MAP1B: variants seen among roughly 807,000 people sequenced by gnomAD.
MAP1B encodes the protein microtubule associated protein 1B.
Under a neutral mutation model 176.1 loss-of-function variants are expected in MAP1B, and 12 were observed. That is an observed-to-expected ratio of 0.07 (90% CI 0.04 to 0.11). The LOEUF (loss-of-function observed/expected upper bound fraction) is 0.11. MAP1B is among the 10% of genes least tolerant of loss of function. The pLI is 1.00. For synonymous variants in MAP1B, 1,044 were observed against 1,135.0 expected, an observed-to-expected ratio of 0.92 and a Z score of 1.61; for missense variants, 2,523 against 2,990.5, an observed-to-expected ratio of 0.84 and a Z score of 3.65.
At position 72,208,124 on chromosome 5, in the gene MAP1B, T is replaced by G. The variant is rs1236702428; in HGVS notation, c.*2885T>G. 1 of 152,144 alleles carries G rather than the reference T, an allele frequency of 6.6e-6. No homozygotes were observed. Among genetic ancestry groups the G allele is most frequent in the Non-Finnish European group, 1.5e-5 (1 of 68,032 alleles). The allele number at this position is 152,144 out of a possible 1,614,324, so 9.4% of individuals were successfully genotyped here. On this transcript the variant is annotated 3_prime_UTR_variant, in exon 7 of 7. Coordinates refer to ENST00000296755, the MANE Select transcript of MAP1B (RefSeq NM_005909.5). ...CCTGAGTATACCAAGAAAACCAATA[T>G]TCGCATTACAGGTTGCTCCTGTCCT...
intron 2 of MAP1B, among the ~76,000 whole-genome samples, chr5:72,122,433 T>C (rs1319181842): frequency 6.6e-6 from 1 of 152,178 alleles, no homozygotes; most frequent in African/African-American, 2.4e-5. Context: ...GCATAATTCC[T>C]GCAAGCTTTA....
At chr5:72,178,523 C>T (rs750219371) in intron 2 of MAP1B, among the ~76,000 whole-genome samples, 11 of 152,176 alleles carry the variant, frequency 7.2e-5, no homozygotes, top group Non-Finnish European at 1.6e-4. Context: ...GCTGACAGAG[C>T]AGGGAGGCAG....
rs1021654788 is a variant in MAP1B at position 72,206,738 on chromosome 5, TG to T, written c.*1500del. On this transcript the variant is annotated 3_prime_UTR_variant, in exon 7 of 7. Coordinates refer to ENST00000296755, the MANE Select transcript of MAP1B (RefSeq NM_005909.5). ...GTTTCGTAAGACAAAAATTGAATAA[TG>T]TTTTTTGAAGTTCTGGCAAGATTGA... The T allele has an allele frequency of 2.0e-5, 3 of 152,152 alleles. No individual in the cohort carries two copies. Among genetic ancestry groups the T allele is most frequent in the Non-Finnish European group, 2.9e-5 (2 of 68,034 alleles). 9.4% of individuals were successfully genotyped at this position (152,152 alleles called of 1,614,324 possible).
chr5:72,138,262 C>T (rs572760457), intron 2 of MAP1B, among the ~76,000 whole-genome samples: 1 of 152,128 alleles, frequency 6.6e-6, no homozygotes, highest in African/African-American at 2.4e-5. Context: ...TACCAAATGG[C>T]CAATAAACGT....
chr5:72,185,397 C>T (rs1006306776), intron 3 of MAP1B, among the ~76,000 whole-genome samples: 5 of 152,142 alleles, frequency 3.3e-5, no homozygotes, highest in Non-Finnish European at 7.4e-5. Context: ...TGGAGAATTA[C>T]AGCCTGGGCA....
intron 2 of MAP1B, among the ~76,000 whole-genome samples, chr5:72,116,707 A>T (rs547526245): frequency 6.6e-6 from 1 of 152,128 alleles, no homozygotes; most frequent in Non-Finnish European, 1.5e-5. Flanking sequence ...CATCAGAAAC[A>T]CTGTATTACA....
At chr5:72,177,248 G>C (rs1027918738) in intron 2 of MAP1B, among the ~76,000 whole-genome samples, 6 of 152,156 alleles carry the variant, frequency 3.9e-5, no homozygotes, top group African/African-American at 1.4e-4. Flanking sequence ...CCTCTCCGGA[G>C]CTCTAAGCTG....
chr5:72,154,397 C>T (rs1365063847), intron 2 of MAP1B, among the ~76,000 whole-genome samples: 2 of 152,200 alleles, frequency 1.3e-5, no homozygotes, highest in Non-Finnish European at 2.9e-5. Flanking sequence ...TTAACAGCCT[C>T]ATCTATTTGT....
rs765880655 is a variant in MAP1B at position 72,203,645 on chromosome 5, C to G, written c.7095C>G (p.Asn2365Lys). ...PVYLDLCYIP[N>K]HSNSKNVDVE... Reference sequence around the variant, plus strand: ...ATTTGGACCTGTGCTACATTCCTAACCACAGCAATAGTAAGAATGTTGATG... The same window carrying G: ...ATTTGGACCTGTGCTACATTCCTAAGCACAGCAATAGTAAGAATGTTGATG... The change falls in exon 6 of 7, where the codon AAC (asparagine) becomes AAG (lysine). Residue 2365 changes from asparagine (N) to lysine (K), a missense_variant. Physicochemically the swap from Asn to Lys is moderately conservative, Grantham distance 94. Around this residue, in one of 4 missense-constraint regions of MAP1B, gnomAD observed 287 missense variants for 401.5 expected, o/e 0.71. Transcript: ENST00000296755. 1 of 1,614,186 alleles carries G rather than the reference C, an allele frequency of 6.2e-7. No individual in the cohort carries two copies. The highest frequency in any genetic ancestry group is 8.5e-7 in the Non-Finnish European group (1 of 1,180,024).
In MAP1B at chr5:72,196,143, G is replaced by A. The variant is rs1469929207; in HGVS notation, c.2788G>A (p.Gly930Arg). Residue 930 changes from glycine (G) to arginine (R), a missense_variant, in exon 5 of 7, where the codon GGA becomes AGA. Gly to Arg is a moderately radical substitution (Grantham distance 125, BLOSUM62 -2). This residue lies in a region of MAP1B where 1,925 missense variants were observed against 2,126.0 expected (regional missense o/e 0.91). Transcript: ENST00000296755. This position sits in a 1 kb window ranked among gnomAD's most constrained non-coding sequence, Gnocchi z 5.3. ...VDDIEKFEDE[G>R]AGFEESSETG... Reference sequence around the variant, plus strand: ...CGACATTGAAAAATTTGAAGATGAAGGAGCCGGTTTTGAAGAATCTTCAGA... The same window carrying A: ...CGACATTGAAAAATTTGAAGATGAAAGAGCCGGTTTTGAAGAATCTTCAGA... 1 of 1,613,314 alleles carries A rather than the reference G, an allele frequency of 6.2e-7. No individual in the cohort carries two copies. Among genetic ancestry groups the A allele is most frequent in the Admixed American group, 1.7e-5 (1 of 60,018 alleles).
Position 72,195,049 on chromosome 5 carries a change from C to T in MAP1B, c.1694C>T (p.Thr565Ile). ...GTGCGCAAGGAGTCAAAAGAAGAAA[C>T]CCCTGAGGTCACAAAAGTGAATCAC... Reference protein sequence around the residue: ...KSVRKESKEETPEVTKVNHVE... With the variant: ...KSVRKESKEEIPEVTKVNHVE... Residue 565 changes from threonine to isoleucine, a missense_variant, in exon 5 of 7, where the codon ACC becomes ATC. Thr to Ile is a moderately conservative substitution (Grantham distance 89). Transcript: ENST00000296755. 4 of 1,614,040 alleles carry T rather than the reference C, an allele frequency of 2.5e-6. No individual in the cohort carries two copies. Among genetic ancestry groups the T allele is most frequent in the Non-Finnish European group, 2.5e-6 (3 of 1,180,016 alleles).
At chr5:72,158,684 T>C (rs574477466) in intron 2 of MAP1B, among the ~76,000 whole-genome samples, 2 of 152,314 alleles carry the variant, frequency 1.3e-5, no homozygotes, top group African/African-American at 4.8e-5. Context: ...GAAATGAATA[T>C]GGAAGGCGAC....
Position 72,206,739 on chromosome 5 carries a change from GT to G in MAP1B, c.*1506del, listed in dbSNP as rs556045668. 2.9e-4 allele frequency: 44 copies of G among 152,064 alleles called. No homozygotes were observed. Among genetic ancestry groups the G allele is most frequent in the African/African-American group, 1.1e-3 (44 of 41,468 alleles). 9.4% of individuals were successfully genotyped at this position (152,064 alleles called of 1,614,324 possible). ...TTTCGTAAGACAAAAATTGAATAAT[GT>G]TTTTTGAAGTTCTGGCAAGATTGAA... On this transcript the variant is annotated 3_prime_UTR_variant, in exon 7 of 7. Coordinates refer to ENST00000296755, the MANE Select transcript of MAP1B (RefSeq NM_005909.5).
intron 2 of MAP1B, among the ~76,000 whole-genome samples, chr5:72,165,751 T>C (rs1746415255): frequency 6.6e-6 from 1 of 152,194 alleles, no homozygotes. Context: ...ATATAAAATA[T>C]GCATTACTAT....
intron 5 of MAP1B, 115 bp from the exon 6 acceptor site, chr5:72,203,448 A>T: frequency 1.3e-6 from 1 of 773,888 alleles, no homozygotes; most frequent in South Asian, 1.6e-5. Flanking sequence ...TGCATGTCTC[A>T]GAGGACCTAC....
chr5:72,190,505 C>A (rs1747004069), intron 4 of MAP1B, among the ~76,000 whole-genome samples: 1 of 152,194 alleles, frequency 6.6e-6, no homozygotes. Context: ...AGAATGCCAT[C>A]CTGTTAGAAT....
chr5:72,197,743 C>G lies in MAP1B; in HGVS notation c.4388C>G (p.Thr1463Arg). ...LYQDKQEGKS[T>R]DFAPIKEDFG... ...CAAGACAAACAGGAAGGGAAAAGCA[C>G]AGACTTTGCACCAATAAAAGAAGAC... Residue 1463 changes from threonine (T) to arginine (R), a missense_variant, in exon 5 of 7, where the codon ACA becomes AGA. By Grantham distance (71) the Thr-to-Arg change is moderately conservative. This residue lies in a region of MAP1B where 1,925 missense variants were observed against 2,126.0 expected (regional missense o/e 0.91). Transcript: ENST00000296755. 4 of 1,614,162 alleles carry G rather than the reference C, an allele frequency of 2.5e-6. No homozygotes were observed. The highest frequency in any genetic ancestry group is 3.4e-6 in the Non-Finnish European group (4 of 1,180,030).
At chr5:72,188,529 GA>G (rs1323724236) in intron 4 of MAP1B, among the ~76,000 whole-genome samples, 2 of 152,178 alleles carry the variant, frequency 1.3e-5, no homozygotes, top group Non-Finnish European at 2.9e-5. Flanking sequence ...AATATGTAAA[GA>G]AAAGTGTCAT....
intron 2 of MAP1B, among the ~76,000 whole-genome samples, chr5:72,121,494 G>A (rs111334426): frequency 1.7e-3 from 266 of 152,274 alleles, no homozygotes; most frequent in Non-Finnish European, 3.1e-3. Flanking sequence ...GAAGATAAAC[G>A]AACCACAGCT....
Sources: allele counts gnomAD v4.1 joint callset (sites outside exome capture counted in the v4.1 genomes callset), GRCh38; gene constraint gnomAD v4.1.1; regional missense constraint gnomAD v4.1.1; non-coding constraint Gnocchi (gnomAD v3.1); transcripts MANE v1.5; gene names NCBI Gene and HGNC (gene_info 2026-07-23, HGNC 2026-07-21).